ALG1L2: variants seen among roughly 807,000 people sequenced by gnomAD.
ALG1L2 encodes the protein putative glycosyltransferase ALG1L2.
A neutral mutation model predicts 29.0 loss-of-function variants in ALG1L2; 32 were observed. The observed-to-expected ratio is 1.10, with a 90% confidence interval of 0.83 to 1.48. The LOEUF is 1.48. Ranked by LOEUF, ALG1L2 falls within the 40% of genes most tolerant of loss-of-function variation. The pLI, the probability that ALG1L2 is intolerant of heterozygous loss-of-function variation, is 0.00. For synonymous variants in ALG1L2, 110 were observed against 109.5 expected, an observed-to-expected ratio of 1.00 and a Z score of -0.03; for missense variants, 318 against 274.1, an observed-to-expected ratio of 1.16 and a Z score of -1.13.
intron 6 of ALG1L2, 129 bp downstream of exon 6, chr3:130,096,292 A>C: frequency 9.5e-7 from 1 of 1,058,164 alleles, no homozygotes; most frequent in East Asian, 2.6e-5. Context: ...ACTGGAGGCC[A>C]CGAGGAGGAG....
At chr3:130,085,072 C>T (rs1253786617) in intron 1 of ALG1L2, among the ~76,000 whole-genome samples, 1 of 128,860 alleles carries the variant, frequency 7.8e-6, no homozygotes, top group African/African-American at 2.6e-5. Context: ...AATTGTCCTA[C>T]CTCAGCCTCC....
chr3:130,092,036 G>A (rs1935026676), intron 2 of ALG1L2, 65 bp from the exon 3 acceptor site: 2 of 1,593,370 alleles, frequency 1.3e-6, no homozygotes, highest in Middle Eastern at 2.2e-4. Flanking sequence ...CATGGCAGGA[G>A]ATGCCCGTTC....
chr3:130,097,319 A>G (rs1935164133), intron 7 of ALG1L2, 69 bp downstream of exon 7: 1 of 1,581,212 alleles, frequency 6.3e-7, no homozygotes, highest in Non-Finnish European at 8.5e-7. Context: ...ATGCTCCCTG[A>G]TCCCTGTTTC....
At chr3:130,088,771 G>A (rs1006937253) in intron 1 of ALG1L2, among the ~76,000 whole-genome samples, 1 of 152,288 alleles carries the variant, frequency 6.6e-6, no homozygotes, top group Non-Finnish European at 1.5e-5. Flanking sequence ...CTTGCCTGCT[G>A]CCATGTAAGA....
chr3:130,082,473 G>A (rs1406653124), intron 1 of ALG1L2, among the ~76,000 whole-genome samples: 2 of 133,120 alleles, frequency 1.5e-5, no homozygotes, highest in Non-Finnish European at 3.5e-5. Context: ...AAGTAGCTGG[G>A]ACTACAGCCA....
chr3:130,098,154 G>A, intron 7 of ALG1L2, 69 bp from the exon 8 acceptor site: 1 of 1,590,136 alleles, frequency 6.3e-7, no homozygotes, highest in South Asian at 1.1e-5. Flanking sequence ...GGGTCGGGGA[G>A]CTGGGGTCAT....
Position 130,096,168 on chromosome 3 carries a change from G to C in ALG1L2, c.539+5G>C. On this transcript the variant is annotated splice_donor_5th_base_variant and intron_variant, in intron 6 of 7. Transcript: ENST00000425059. ...GTGTGCCGTGAACTTCAAGTGGTAGGAGCAGAACCCGAATTTTTTCTGGGG... is the reference window on the plus strand; with the variant it reads ...GTGTGCCGTGAACTTCAAGTGGTAGCAGCAGAACCCGAATTTTTTCTGGGG... 6.2e-7 allele frequency: 1 copy of C among 1,611,666 alleles called. No individual in the cohort carries two copies. Among genetic ancestry groups the C allele is most frequent in the East Asian group, 2.2e-5 (1 of 44,864 alleles).
At chr3:130,095,610 AT>A (rs142951367) in intron 5 of ALG1L2, among the ~76,000 whole-genome samples, 90 of 133,246 alleles carry the variant, frequency 6.8e-4, no homozygotes, top group South Asian at 2.7e-3. Flanking sequence ...CTAATTTTAC[AT>A]TTTTTTTTTT....
chr3:130,083,884 G>A lies in ALG1L2; in HGVS notation c.20+1848G>A, dbSNP rs1934837365. ...GGGGATTTAGCCATAAAATCAGCAAGGGTTGGTCGTGGGGATGTGGGGTAC... is the reference window on the plus strand; with the variant it reads ...GGGGATTTAGCCATAAAATCAGCAAAGGTTGGTCGTGGGGATGTGGGGTAC... On this transcript the variant is annotated intron_variant, in intron 1 of 7. Coordinates refer to ENST00000425059, the MANE Select transcript of ALG1L2 (RefSeq NM_001136152.1). 2.0e-5 allele frequency among the ~76,000 whole-genome samples: 3 copies of A among 149,782 alleles called. No individual in the cohort carries two copies. In the Admixed American group the frequency reaches 2.0e-4, roughly 10 times the overall value.
At chr3:130,086,103 C>G (rs965247633) in intron 1 of ALG1L2, among the ~76,000 whole-genome samples, 1 of 151,554 alleles carries the variant, frequency 6.6e-6, no homozygotes, top group African/African-American at 2.4e-5. Flanking sequence ...CCTCTTGGCC[C>G]CAACCAACAT....
intron 4 of ALG1L2, 128 bp from the exon 5 acceptor site, chr3:130,094,275 T>G (rs1430457694): frequency 1.4e-5 from 17 of 1,227,740 alleles, no homozygotes; most frequent in Non-Finnish European, 2.0e-5. Flanking sequence ...AGATAGGGCC[T>G]GACTGCAGCT....
chr3:130,097,611 G>T (rs189521114), intron 7 of ALG1L2, among the ~76,000 whole-genome samples: 5 of 152,338 alleles, frequency 3.3e-5, no homozygotes, highest in Admixed American at 1.3e-4. Flanking sequence ...ATTCTGCAAA[G>T]GTTACTTGTT....
chr3:130,087,951 T>C (rs1199620819), intron 1 of ALG1L2, among the ~76,000 whole-genome samples: 2 of 152,286 alleles, frequency 1.3e-5, no homozygotes, highest in Non-Finnish European at 2.9e-5. Context: ...CATTCTAGTG[T>C]GAATCCAGAA....
rs754257122 is a variant in ALG1L2, at chr3:130,094,401, A to G, written c.314-2A>G. On this transcript the variant is annotated splice_acceptor_variant, in intron 4 of 7. Transcript: ENST00000425059. LOFTEE classifies it high-confidence loss of function. ...TGGCAGTGTCTGCTCTTCTCTGTGA[A>G]GGCAAAGGGCCTCTGAGGGAGTATT... is the stretch of plus-strand genomic sequence containing the variant. 11 of 1,594,594 alleles carry G rather than the reference A, an allele frequency of 6.9e-6. No homozygotes were observed. Among genetic ancestry groups the G allele is most frequent in the South Asian group, 1.1e-5 (1 of 90,970 alleles).
chr3:130,097,380 A>G, intron 7 of ALG1L2, 130 bp downstream of exon 7: 1 of 1,415,300 alleles, frequency 7.1e-7, no homozygotes, highest in East Asian at 2.5e-5. Context: ...CTAGGGAGGG[A>G]GCAGAAGTCA....
Position 130,092,175 on chromosome 3 carries a change from G to C in ALG1L2, c.206G>C (p.Arg69Pro). 3 of 1,612,834 alleles carry C rather than the reference G, an allele frequency of 1.9e-6. No individual in the cohort carries two copies. The highest frequency in any genetic ancestry group is 2.5e-6 in the Non-Finnish European group (3 of 1,179,628). The change falls in exon 3 of 8, where the codon CGT becomes CCT. Residue 69 changes from arginine to proline, a missense_variant. Physicochemically the swap from Arg to Pro is moderately radical, Grantham distance 103. Transcript: ENST00000425059. ...GATTCTGGGAGCGGGCTGGTGACGC[G>C]TCTCCACGAGCGGCCAGCCCTGCTG... ...ERDSGSGLVT[R>P]LHERPALLVS...
At chr3:130,095,846 T>C (rs966162793) in intron 5 of ALG1L2, among the ~76,000 whole-genome samples, 3 of 152,196 alleles carry the variant, frequency 2.0e-5, no homozygotes, top group African/African-American at 7.2e-5. Flanking sequence ...TGTGGTTACG[T>C]AGAAAAAGTG....
rs775114371 is a variant in ALG1L2 at position 130,094,453 on chromosome 3, T to C, written c.364T>C (p.Phe122Leu). 5 of 1,596,120 alleles carry C rather than the reference T, an allele frequency of 3.1e-6. No individual in the cohort carries two copies. Among genetic ancestry groups the C allele is most frequent in the Non-Finnish European group, 3.4e-6 (4 of 1,179,670 alleles). Residue 122 changes from phenylalanine (F) to leucine (L), a missense_variant, in exon 5 of 8, where the codon TTC (phenylalanine) becomes CTC (leucine). Transcript: ENST00000425059. The part of the protein sequence containing the change: ...YYSRLIHQKH[F>L]QHIQVCIPWL... ...CAGCCGCCTCATCCACCAGAAGCAT[T>C]TCCAGCACATCCAGGTCTGCATCCC...
chr3:130,083,204 G>C (rs9877881), intron 1 of ALG1L2, among the ~76,000 whole-genome samples: 33,292 of 142,574 alleles, frequency 0.23, 677 homozygotes, highest in Non-Finnish European at 0.27. Context: ...CCAGCATTTT[G>C]GGGGGCCGAG....
Sources: allele counts gnomAD v4.1 joint callset (sites outside exome capture counted in the v4.1 genomes callset), GRCh38; gene constraint gnomAD v4.1.1; transcripts MANE v1.5; gene names NCBI Gene and HGNC (gene_info 2026-07-23, HGNC 2026-07-21).